RPS8: variants seen among roughly 807,000 people sequenced by gnomAD.
RPS8 encodes the protein small ribosomal subunit protein eS8.
For missense variants in RPS8, 141 were observed against 269.7 expected (o/e 0.52, Z 3.34); for synonymous variants, 100 against 100.7 (o/e 0.99, Z 0.04).
chr1:44,778,725 T>G lies in RPS8; in HGVS notation c.*40T>G, dbSNP rs773187712. On this transcript the variant is annotated 3_prime_UTR_variant, in exon 6 of 6. Transcript: ENST00000396651. ...TTCACCCATGTAATAAAGGTGTTTA[T>G]TGTTTTGTTCCCACATTTATGTTGC... 2.2e-6 allele frequency: 3 copies of G among 1,373,924 alleles called. No homozygotes were observed. The highest frequency in any genetic ancestry group is 3.0e-6 in the Non-Finnish European group (3 of 984,904). 85.1% of individuals were successfully genotyped at this position (1,373,924 alleles called of 1,614,324 possible). A position where few individuals can be genotyped will look rare whatever the true frequency, so the allele number is the denominator to read the frequency against.
intron 1 of RPS8, 85 bp from the exon 2 acceptor site, chr1:44,775,949 C>A: frequency 7.6e-7 from 1 of 1,307,206 alleles, no homozygotes; most frequent in Non-Finnish European, 1.1e-6. Context: ...GTGCGACCGG[C>A]CCGGCGCGGG....
chr1:44,775,664 T>C (rs1335761802), intron 1 of RPS8, 64 bp downstream of exon 1: 1 of 1,604,806 alleles, frequency 6.2e-7, no homozygotes. Context: ...CCCATCCTGC[T>C]TCACAGCCTA....
In RPS8 at chr1:44,777,604, C is replaced by T; in HGVS notation, c.212-10C>T. 6.2e-7 allele frequency: 1 copy of T among 1,610,148 alleles called. No individual in the cohort carries two copies. The highest frequency in any genetic ancestry group is 8.5e-7 in the Non-Finnish European group (1 of 1,177,156). ...CAGTTTACTTGATGCCAAATTTCTC[C>T]TGTGAGCAGGTTGTACTCGTAAAAC... is the stretch of plus-strand genomic sequence containing the variant. On this transcript the variant is annotated splice_polypyrimidine_tract_variant and intron_variant, in intron 3 of 5. Coordinates refer to ENST00000396651, the MANE Select transcript of RPS8 (RefSeq NM_001012.2).
At chr1:44,778,536 C>T in intron 5 of RPS8, 40 bp from the exon 6 acceptor site, 2 of 1,529,812 alleles carry the variant, frequency 1.3e-6, no homozygotes, top group Non-Finnish European at 9.1e-7. Context: ...TGGGTAGGGC[C>T]ACCTTGTCGT....
chr1:44,777,611 C>T lies in RPS8; in HGVS notation c.212-3C>T, dbSNP rs780316149. 10 of 1,611,540 alleles carry T rather than the reference C, an allele frequency of 6.2e-6. No individual in the cohort carries two copies. Among genetic ancestry groups the T allele is most frequent in the Non-Finnish European group, 2.5e-6 (3 of 1,178,214 alleles). On this transcript the variant is annotated splice_region_variant and splice_polypyrimidine_tract_variant and intron_variant, in intron 3 of 5. Coordinates refer to ENST00000396651, the MANE Select transcript of RPS8 (RefSeq NM_001012.2). ...CTTGATGCCAAATTTCTCCTGTGAG[C>T]AGGTTGTACTCGTAAAACAAGGATC...
chr1:44,775,648 T>G, intron 1 of RPS8, 48 bp downstream of exon 1: 1 of 1,612,356 alleles, frequency 6.2e-7, no homozygotes. Context: ...TTGAGCTCAA[T>G]CAGGCCCCAT....
intron 3 of RPS8, 192 bp downstream of exon 3, chr1:44,776,966 T>C (rs1650878191): frequency 3.9e-6 from 2 of 515,256 alleles, no homozygotes; most frequent in South Asian, 5.2e-5. Context: ...AAAAAAAAGA[T>C]TCAAGTGCTT....
At chr1:44,775,805 GC>G (rs1650826114) in intron 1 of RPS8, 1 of 819,214 alleles carries the variant, frequency 1.2e-6, no homozygotes, top group Non-Finnish European at 2.0e-6. Context: ...GCCGCGGGCT[GC>G]GGGCTCCGAG....
At chr1:44,778,320 A>G in intron 5 of RPS8, 191 bp downstream of exon 5, 1 of 849,312 alleles carries the variant, frequency 1.2e-6, no homozygotes, top group Non-Finnish European at 2.1e-6. Flanking sequence ...CATTGGGTAG[A>G]AGAGTCTGCA....
chr1:44,777,404 G>C, intron 3 of RPS8: 1 of 571,168 alleles, frequency 1.8e-6, no homozygotes, highest in Non-Finnish European at 3.2e-6. Context: ...CAGCCTGAGA[G>C]ATTGGGGCTG....
chr1:44,775,931 A>G (rs1473890968), intron 1 of RPS8, 103 bp from the exon 2 acceptor site: 2 of 1,077,428 alleles, frequency 1.9e-6, no homozygotes, highest in Non-Finnish European at 2.9e-6. Flanking sequence ...AACCTTGGAG[A>G]GCTGAGCGTG....
intron 4 of RPS8, 46 bp downstream of exon 4, chr1:44,777,835 T>A (rs1199646079): frequency 2.5e-6 from 4 of 1,598,940 alleles, no homozygotes; most frequent in Non-Finnish European, 3.4e-6. Flanking sequence ...GCAGCCTGAC[T>A]CCAGCCTTCT....
chr1:44,777,875 C>A, intron 4 of RPS8, 86 bp downstream of exon 4: 1 of 1,578,224 alleles, frequency 6.3e-7, no homozygotes, highest in Non-Finnish European at 8.7e-7. Flanking sequence ...AGTTCTGCTA[C>A]TGAAGGGAGA....
Position 44,776,187 on chromosome 1 carries a change from G to C in RPS8, c.111+47G>C, listed in dbSNP as rs199571882. 7.2e-4 allele frequency: 975 copies of C among 1,360,316 alleles called. 5 individuals carry two copies. In the African/African-American group the frequency reaches 0.012, roughly 17 times the overall value. 84.3% of individuals were successfully genotyped at this position (1,360,316 alleles called of 1,614,324 possible). A position where few individuals can be genotyped will look rare whatever the true frequency, so the allele number is the denominator to read the frequency against. ...TCCGCCTGGGAGGTCGCCTTCCCCCGCTCTCCAGCGTGCTCGGGTCTTTCC... is the reference window on the plus strand; with the variant it reads ...TCCGCCTGGGAGGTCGCCTTCCCCCCCTCTCCAGCGTGCTCGGGTCTTTCC... On this transcript the variant is annotated intron_variant, in intron 2 of 5. Coordinates refer to ENST00000396651, the MANE Select transcript of RPS8 (RefSeq NM_001012.2).
intron 3 of RPS8, chr1:44,776,987 G>A: frequency 2.0e-6 from 1 of 493,198 alleles, no homozygotes; most frequent in Non-Finnish European, 3.6e-6. Context: ...TTAGCAAGTA[G>A]TCTGTGGCTT....
At chr1:44,775,632 G>A (rs750772766) in intron 1 of RPS8, 32 bp downstream of exon 1, 18 of 1,613,938 alleles carry the variant, frequency 1.1e-5, no homozygotes, top group Non-Finnish European at 1.5e-5. Context: ...GGCGGGTGAA[G>A]GGAGGTTGAG....
rs758669222 is a variant in RPS8, at chr1:44,775,583, GC to G, written c.-12del. On this transcript the variant is annotated 5_prime_UTR_variant, in exon 1 of 6. Coordinates refer to ENST00000396651, the MANE Select transcript of RPS8 (RefSeq NM_001012.2). ...TGAATCTTTGCGGTTTCTCTTTCCA[GC>G]CAGCGCCGAGCGATGGGTGAGTGTC... 1 of 1,614,148 alleles carries G rather than the reference GC, an allele frequency of 6.2e-7. No homozygotes were observed. Among genetic ancestry groups the G allele is most frequent in the Non-Finnish European group, 8.5e-7 (1 of 1,179,984 alleles).
At position 44,775,855 on chromosome 1, in the gene RPS8, C is replaced by G. The variant is rs750870832; in HGVS notation, c.5-179C>G. 9.8e-6 allele frequency: 8 copies of G among 813,220 alleles called. No individual in the cohort carries two copies. In the East Asian group the frequency reaches 1.7e-4, roughly 18 times the overall value. The allele number at this position is 813,220 out of a possible 1,614,324, so 50.4% of individuals were successfully genotyped here. On this transcript the variant is annotated intron_variant, in intron 1 of 5. Coordinates refer to ENST00000396651, the MANE Select transcript of RPS8 (RefSeq NM_001012.2). ...GCTGCCGCGAGGAGGAGGCCCCGGC[C>G]TGGCCGCACGTGTATGATGACAACT... is the stretch of plus-strand genomic sequence containing the variant.
intron 4 of RPS8, 98 bp downstream of exon 4, chr1:44,777,887 A>G: frequency 6.3e-7 from 1 of 1,576,718 alleles, no homozygotes; most frequent in South Asian, 1.1e-5. Flanking sequence ...GAAGGGAGAG[A>G]GATGAGAGCC....
Sources: gnomAD v4.1 joint callset for allele counts on GRCh38, gnomAD v4.1.1 for gene constraint, MANE v1.5 for transcripts, NCBI Gene and HGNC (gene_info 2026-07-23, HGNC 2026-07-21) for gene names.